Variants in DLGAP2 observed in about 807,000 individuals in gnomAD.
The protein encoded by DLGAP2 is disks large-associated protein 2.
DLGAP2 carries 26 observed loss-of-function variants against 100.3 expected under a neutral mutation model. The observed-to-expected ratio is 0.26, with a 90% confidence interval of 0.19 to 0.36. The LOEUF (loss-of-function observed/expected upper bound fraction) is 0.36, where lower values mean the gene tolerates loss of function less well. DLGAP2 is among the 10% of genes least tolerant of loss of function. The probability of loss-of-function intolerance (pLI) is 1.00; values close to 1 mark genes in which losing one functional copy is unlikely to be tolerated. For synonymous variants in DLGAP2, 886 were observed against 630.1 expected (o/e 1.41, Z -6.08); for missense variants, 1,858 against 1,453.2 (o/e 1.28, Z -4.53).
In DLGAP2 at chr8:1,418,732, C is replaced by T. The variant is rs150676872; in HGVS notation, c.107-82634C>T. 2.4e-3 allele frequency among the ~76,000 whole-genome samples: 361 copies of T among 152,338 alleles called. 3 individuals carry two copies. Among genetic ancestry groups the T allele is most frequent in the African/African-American group, 8.3e-3 (347 of 41,576 alleles). On this transcript the variant is annotated intron_variant, in intron 3 of 14. Coordinates refer to ENST00000637795, the MANE Select transcript of DLGAP2 (RefSeq NM_001346810.2). ...TTCCCATGCACCGTTTCTCCCACTA[C>T]CAGGACACCAACTGGGCGTCCTCTA...
chr8:1,334,266 G>C (rs554202110), intron 3 of DLGAP2, among the ~76,000 whole-genome samples: 3 of 152,204 alleles, frequency 2.0e-5, no homozygotes, highest in Non-Finnish European at 4.4e-5. Context: ...AGCCATGGCA[G>C]TCAGCATTTG....
intron 1 of DLGAP2, among the ~76,000 whole-genome samples, chr8:844,127 G>A (rs976853293): frequency 3.8e-4 from 58 of 152,194 alleles, no homozygotes; most frequent in African/African-American, 1.4e-3. Flanking sequence ...ACAGTGAAGA[G>A]TATTCGTCAG....
intron 3 of DLGAP2, among the ~76,000 whole-genome samples, chr8:1,328,971 A>T (rs1368393284): frequency 5.3e-5 from 8 of 152,240 alleles, no homozygotes; most frequent in Admixed American, 3.9e-4. Context: ...GTTATGAATT[A>T]TGCGTGGAAG....
intron 2 of DLGAP2, among the ~76,000 whole-genome samples, chr8:1,039,758 G>A (rs1198635498): frequency 7.7e-5 from 10 of 130,094 alleles, no homozygotes; most frequent in South Asian, 2.7e-4. Flanking sequence ...TTCTGTAGTC[G>A]GCTCGGTGTG....
chr8:1,306,446 G>T (rs1313890050), intron 3 of DLGAP2, among the ~76,000 whole-genome samples: 1 of 152,152 alleles, frequency 6.6e-6, no homozygotes, highest in Admixed American at 6.5e-5. Context: ...AGACACTAAT[G>T]AACGGAAAGA....
rs541212857 is a variant in DLGAP2, at chr8:1,124,360, C to T, written c.74-134491C>T. Among the ~76,000 whole-genome samples the T allele has an allele frequency of 1.2e-3, 185 of 152,318 alleles. 2 individuals are homozygous for T. Among genetic ancestry groups the T allele is most frequent in the African/African-American group, 4.3e-3 (179 of 41,564 alleles). Reference sequence around the variant, plus strand: ...TTACCTGTGGCCCAGACTCCTCTCTCAGGGACCTCAGAGCTGAGTCCAGGG... The same window carrying T: ...TTACCTGTGGCCCAGACTCCTCTCTTAGGGACCTCAGAGCTGAGTCCAGGG... On this transcript the variant is annotated intron_variant, in intron 2 of 14. Transcript: ENST00000637795.
chr8:826,032 A>T (rs1334933264), intron 1 of DLGAP2, among the ~76,000 whole-genome samples: 1 of 152,206 alleles, frequency 6.6e-6, no homozygotes, highest in African/African-American at 2.4e-5. Flanking sequence ...GCATGAGTTC[A>T]GGGTTGTAAT....
chr8:1,620,826 A>T (rs1252082981), intron 6 of DLGAP2, among the ~76,000 whole-genome samples: 1 of 152,214 alleles, frequency 6.6e-6, no homozygotes, highest in Non-Finnish European at 1.5e-5. Context: ...TCCCTGATTA[A>T]GAACTTGCAG....
At chr8:787,492 C>G (rs1322821961) in intron 1 of DLGAP2, among the ~76,000 whole-genome samples, 2 of 152,208 alleles carry the variant, frequency 1.3e-5, no homozygotes, top group African/African-American at 2.4e-5. Context: ...AAGGATGGTC[C>G]TGTGATGGGG....
intron 2 of DLGAP2, among the ~76,000 whole-genome samples, chr8:1,027,320 G>T (rs7846564): frequency 6.6e-6 from 1 of 152,106 alleles, no homozygotes; most frequent in Non-Finnish European, 1.5e-5. Context: ...CTCCAGATGG[G>T]GTGCCAGGCA....
At chr8:924,054 T>C (rs1208807999) in intron 2 of DLGAP2, among the ~76,000 whole-genome samples, 2 of 152,218 alleles carry the variant, frequency 1.3e-5, no homozygotes, top group Non-Finnish European at 2.9e-5. Flanking sequence ...ATCCATTGCG[T>C]ATTGATGGCT....
chr8:1,164,924 C>T (rs186065545), intron 2 of DLGAP2, among the ~76,000 whole-genome samples: 48 of 152,172 alleles, frequency 3.2e-4, no homozygotes, highest in Non-Finnish European at 6.3e-4. Flanking sequence ...AAGATGCAAT[C>T]GTGGAAAATG....
chr8:1,598,101 C>T (rs1239106801), intron 6 of DLGAP2, among the ~76,000 whole-genome samples: 6 of 152,170 alleles, frequency 3.9e-5, no homozygotes, highest in Non-Finnish European at 8.8e-5. Flanking sequence ...TGCAGGCCTT[C>T]TCTACATCTG....
chr8:1,163,194 G>T (rs1425108896), intron 2 of DLGAP2, among the ~76,000 whole-genome samples: 1 of 152,208 alleles, frequency 6.6e-6, no homozygotes, highest in East Asian at 1.9e-4. Context: ...GGCCACTGAC[G>T]TGTCTGTGCC....
chr8:1,305,896 A>G lies in DLGAP2; in HGVS notation c.106+47013A>G, dbSNP rs181224958. Among the ~76,000 whole-genome samples, 36 of 152,326 alleles carry G rather than the reference A, an allele frequency of 2.4e-4. No homozygotes were observed. The East Asian group carries it at 3.3e-3, about 14-fold the overall frequency. On this transcript the variant is annotated intron_variant, in intron 3 of 14. Transcript: ENST00000637795. ...GCCTGCCCTCTACTTATGTGCTTTT[A>G]TAAATGGGATTATTTTCTTAATTTC...
chr8:1,606,052 GA>G (rs1489264436), intron 6 of DLGAP2, among the ~76,000 whole-genome samples: 1 of 152,162 alleles, frequency 6.6e-6, no homozygotes, highest in Non-Finnish European at 1.5e-5. Flanking sequence ...AGTATTTGTG[GA>G]AAATGAATTA....
intron 1 of DLGAP2, among the ~76,000 whole-genome samples, chr8:831,436 A>G (rs556309055): frequency 7.2e-5 from 11 of 151,958 alleles, no homozygotes; most frequent in African/African-American, 1.2e-4. Flanking sequence ...TCATTGTTCA[A>G]TTCCTACCTA....
chr8:1,288,450 T>A (rs1799988296), intron 3 of DLGAP2, among the ~76,000 whole-genome samples: 1 of 147,720 alleles, frequency 6.8e-6, no homozygotes, highest in African/African-American at 2.5e-5. Context: ...TGTGTGTGTG[T>A]GGTTCTGTTA....
chr8:1,435,729 A>G lies in DLGAP2; in HGVS notation c.107-65637A>G, dbSNP rs147050821. Among the ~76,000 whole-genome samples the G allele has an allele frequency of 1.6e-3, 248 of 151,936 alleles. 1 individual carries two copies. The highest frequency in any genetic ancestry group is 5.7e-3 in the African/African-American group (236 of 41,462). On this transcript the variant is annotated intron_variant, in intron 3 of 14. Transcript: ENST00000637795. ...AGGCACTGTGGTCGTAGGCGATGGC[A>G]GCTCCACGTCTGTCACCGCCACTGC... is the stretch of plus-strand genomic sequence containing the variant.
Sources: allele counts gnomAD v4.1 joint callset (sites outside exome capture counted in the v4.1 genomes callset), GRCh38; gene constraint gnomAD v4.1.1; transcripts MANE v1.5; gene names NCBI Gene and HGNC (gene_info 2026-07-23, HGNC 2026-07-21).